The following CUX2 variants were observed in gnomAD, a reference collection of about 807,000 sequenced individuals.
CUX2 encodes the protein cut like homeobox 2, also known as homeobox protein cut-like 2.
Under a neutral mutation model 144.8 loss-of-function variants are expected in CUX2, and 40 were observed. That is an observed-to-expected ratio of 0.28 (90% CI 0.21 to 0.36). The LOEUF is 0.36. CUX2 is among the 10% of genes least tolerant of loss of function. The probability of loss-of-function intolerance (pLI) is 1.00; values close to 1 mark genes in which losing one functional copy is unlikely to be tolerated. For synonymous variants in CUX2, 827 were observed against 875.6 expected, an observed-to-expected ratio of 0.94 and a Z score of 0.98; for missense variants, 1,615 against 1,994.0, an observed-to-expected ratio of 0.81 and a Z score of 3.62.
At chr12:111,278,323 A>G (rs1184264505) in intron 4 of CUX2, among the ~76,000 whole-genome samples, 1 of 152,232 alleles carries the variant, frequency 6.6e-6, no homozygotes, top group Non-Finnish European at 1.5e-5. Flanking sequence ...AGGCTGAGAC[A>G]GAAGGATTGA....
At chr12:111,220,293 G>C (rs1881775728) in intron 3 of CUX2, among the ~76,000 whole-genome samples, 1 of 152,120 alleles carries the variant, frequency 6.6e-6, no homozygotes. Flanking sequence ...CAGGTTTACT[G>C]GGTCTCTAGT....
rs1321097359 is a variant in CUX2 at position 111,059,973 on chromosome 12, T to C, written c.63+25733T>C. On this transcript the variant is annotated intron_variant, in intron 1 of 21. Coordinates refer to ENST00000261726, the MANE Select transcript of CUX2 (RefSeq NM_015267.4). The surrounding 1 kb of genome is among the most constrained non-coding windows in gnomAD (Gnocchi z 5.3). ...ATTTAGAATCACTCCCGGGAAATCA[T>C]GGCAGGGAGGTGGCAGTGACTTCTG... Among the ~76,000 whole-genome samples the C allele has an allele frequency of 6.6e-6, 1 of 152,116 alleles. No homozygotes were observed. Among genetic ancestry groups the C allele is most frequent in the Admixed American group, 6.5e-5 (1 of 15,270 alleles).
chr12:111,148,559 T>C (rs1480976793), intron 1 of CUX2, among the ~76,000 whole-genome samples: 1 of 152,230 alleles, frequency 6.6e-6, no homozygotes, highest in East Asian at 1.9e-4. Context: ...AAAAAGTACT[T>C]CTTTCATTAT....
chr12:111,244,997 G>C (rs1305884382), intron 3 of CUX2, among the ~76,000 whole-genome samples: 1 of 152,160 alleles, frequency 6.6e-6, no homozygotes, highest in Non-Finnish European at 1.5e-5. Context: ...TGTTGTGGGG[G>C]CTTCTCAAGG....
At chr12:111,087,135 G>A (rs987595297) in intron 1 of CUX2, among the ~76,000 whole-genome samples, 1 of 151,948 alleles carries the variant, frequency 6.6e-6, no homozygotes, top group Non-Finnish European at 1.5e-5. Context: ...CGAGGCAGGC[G>A]GATTGAGGTC....
intron 4 of CUX2, among the ~76,000 whole-genome samples, chr12:111,284,031 C>A (rs1437000165): frequency 2.0e-5 from 3 of 152,084 alleles, no homozygotes; most frequent in Non-Finnish European, 4.4e-5. Flanking sequence ...CAGACCAGCA[C>A]CCTGCCTCCT....
chr12:111,165,543 A>G (rs1011357189), intron 1 of CUX2, among the ~76,000 whole-genome samples: 1 of 152,236 alleles, frequency 6.6e-6, no homozygotes, highest in Non-Finnish European at 1.5e-5. Flanking sequence ...ACTGGACTCA[A>G]ATTCTGGTGC....
At chr12:111,149,869 A>G (rs989552292) in intron 1 of CUX2, among the ~76,000 whole-genome samples, 4 of 152,196 alleles carry the variant, frequency 2.6e-5, no homozygotes, top group Admixed American at 2.6e-4. Flanking sequence ...TAGCCTGAAC[A>G]GTTTTTCATT....
At chr12:111,069,155 CA>C (rs1264870106) in intron 1 of CUX2, among the ~76,000 whole-genome samples, 1 of 152,038 alleles carries the variant, frequency 6.6e-6, no homozygotes, top group Non-Finnish European at 1.5e-5. Context: ...GGTCTGGGTT[CA>C]AATCTCTGAG....
Position 111,119,438 on chromosome 12 carries a change from TA to T in CUX2, c.63+85208del, listed in dbSNP as rs1000228214. 3.8e-3 allele frequency among the ~76,000 whole-genome samples: 580 copies of T among 151,042 alleles called. 4 individuals carry two copies. The highest frequency in any genetic ancestry group is 0.013 in the African/African-American group (539 of 41,160). Reference sequence around the variant, plus strand: ...GGGCAACATAGCGAGACCCCATCTTTAAAAAAAAAATTTTTTTTCTTCATTA... The same window carrying T: ...GGGCAACATAGCGAGACCCCATCTTTAAAAAAAAATTTTTTTTCTTCATTA... On this transcript the variant is annotated intron_variant, in intron 1 of 21. Transcript: ENST00000261726.
intron 1 of CUX2, among the ~76,000 whole-genome samples, chr12:111,078,799 G>T (rs1871686849): frequency 6.6e-6 from 1 of 152,180 alleles, no homozygotes. Context: ...AGGCAGGTGG[G>T]CTGGGAGACC....
At chr12:111,108,755 C>T (rs537634476) in intron 1 of CUX2, among the ~76,000 whole-genome samples, 1 of 149,358 alleles carries the variant, frequency 6.7e-6, no homozygotes, top group East Asian at 2.0e-4. Flanking sequence ...TTCTCTTTCT[C>T]CCTCTCTCTC....
intron 1 of CUX2, among the ~76,000 whole-genome samples, chr12:111,151,661 T>A (rs1877057603): frequency 6.6e-6 from 1 of 152,056 alleles, no homozygotes; most frequent in African/African-American, 2.4e-5. Flanking sequence ...GTGGACTGTG[T>A]CTGTCACCGG....
At chr12:111,309,878 C>CCT (rs143042831) in intron 14 of CUX2, among the ~76,000 whole-genome samples, 163 bp from the exon 15 acceptor site, 1 of 148,556 alleles carries the variant, frequency 6.7e-6, no homozygotes, top group Non-Finnish European at 1.5e-5. Flanking sequence ...TCTCGCTCTC[C>CCT]CTCTCTCTCT....
intron 1 of CUX2, among the ~76,000 whole-genome samples, chr12:111,144,528 TG>T (rs958280517): frequency 1.3e-5 from 2 of 152,124 alleles, no homozygotes; most frequent in African/African-American, 2.4e-5. Context: ...ACTGGGTTTG[TG>T]GGGGGCTTCT....
chr12:111,084,051 T>A (rs976559224), intron 1 of CUX2, among the ~76,000 whole-genome samples: 3 of 152,054 alleles, frequency 2.0e-5, no homozygotes, highest in Admixed American at 2.0e-4. Context: ...TGAGTAGAAG[T>A]GTACATGGGG....
intron 8 of CUX2, 91 bp downstream of exon 8, chr12:111,296,630 T>C: frequency 1.6e-6 from 2 of 1,234,600 alleles, no homozygotes; most frequent in Non-Finnish European, 2.3e-6. Context: ...GCCTCCTCCC[T>C]CTGACCCTCC....
intron 3 of CUX2, among the ~76,000 whole-genome samples, chr12:111,235,821 G>A (rs1037549568): frequency 3.3e-5 from 5 of 152,184 alleles, no homozygotes; most frequent in African/African-American, 1.2e-4. Flanking sequence ...TTGGGAAGTG[G>A]GGATCCAGGT....
At chr12:111,311,152 C>A (rs1375548403) in intron 15 of CUX2, among the ~76,000 whole-genome samples, 1 of 152,226 alleles carries the variant, frequency 6.6e-6, no homozygotes, top group Admixed American at 6.5e-5. Flanking sequence ...TTCACCTGTG[C>A]CCCGGTTTCT....
Sources: allele counts gnomAD v4.1 joint callset (sites outside exome capture counted in the v4.1 genomes callset), GRCh38; gene constraint gnomAD v4.1.1; non-coding constraint Gnocchi (gnomAD v3.1); transcripts MANE v1.5; gene names NCBI Gene and HGNC (gene_info 2026-07-23, HGNC 2026-07-21).